VAT1L: variants seen among roughly 807,000 people sequenced by gnomAD.
VAT1L encodes vesicle amine transport 1 like.
VAT1L carries 34 observed loss-of-function variants against 44.1 expected under a neutral mutation model. That is an observed-to-expected ratio of 0.77 (90% confidence interval 0.59 to 1.03). The LOEUF (loss-of-function observed/expected upper bound fraction) is 1.03. VAT1L is among the 50% of genes least tolerant of loss of function. The pLI is 0.00. For synonymous variants in VAT1L, 253 were observed against 202.2 expected (o/e 1.25, Z -2.13); for missense variants, 615 against 538.8 (o/e 1.14, Z -1.40).
At chr16:77,887,105 T>C (rs1302471496) in intron 7 of VAT1L, among the ~76,000 whole-genome samples, 1 of 152,054 alleles carries the variant, frequency 6.6e-6, no homozygotes, top group Non-Finnish European at 1.5e-5. Context: ...AGCTGGAACA[T>C]GAAAGAGGCA....
chr16:77,971,547 C>T (rs530906593), intron 7 of VAT1L, among the ~76,000 whole-genome samples: 2 of 152,284 alleles, frequency 1.3e-5, no homozygotes, highest in Admixed American at 1.3e-4. Context: ...CACCCTGCAG[C>T]ACATAATTCT....
At chr16:77,898,636 A>G (rs1597088962) in intron 7 of VAT1L, among the ~76,000 whole-genome samples, 2 of 117,164 alleles carry the variant, frequency 1.7e-5, no homozygotes, top group African/African-American at 6.6e-5. Flanking sequence ...ATGCCCTGGC[A>G]CCCAGTACGA....
At chr16:77,864,724 G>A (rs1485006243) in intron 4 of VAT1L, among the ~76,000 whole-genome samples, 2 of 152,292 alleles carry the variant, frequency 1.3e-5, no homozygotes, top group African/African-American at 4.8e-5. Flanking sequence ...TGAAACTTGG[G>A]AAGTTTCTTG....
At chr16:77,908,370 G>A (rs2017461466) in intron 7 of VAT1L, among the ~76,000 whole-genome samples, 1 of 146,248 alleles carries the variant, frequency 6.8e-6, no homozygotes, top group Non-Finnish European at 1.5e-5. Context: ...GCTGAGGCAG[G>A]AGAATCTTGC....
intron 2 of VAT1L, among the ~76,000 whole-genome samples, chr16:77,821,853 A>G (rs915895887): frequency 3.9e-5 from 6 of 152,196 alleles, no homozygotes; most frequent in African/African-American, 1.4e-4. Flanking sequence ...CGTCAGGGAA[A>G]GTTTTGGAGA....
chr16:77,818,579 A>C (rs2016395589), intron 2 of VAT1L, among the ~76,000 whole-genome samples: 1 of 152,202 alleles, frequency 6.6e-6, no homozygotes, highest in Non-Finnish European at 1.5e-5. Context: ...TGAATAAATA[A>C]CCAGTTATTT....
chr16:77,883,382 T>C (rs911586356), intron 6 of VAT1L, among the ~76,000 whole-genome samples: 4 of 152,182 alleles, frequency 2.6e-5, no homozygotes, highest in African/African-American at 4.8e-5. Flanking sequence ...CTTATTTTGA[T>C]ATGAAGGGAG....
intron 1 of VAT1L, among the ~76,000 whole-genome samples, chr16:77,804,022 T>C (rs1321248958): frequency 6.6e-6 from 1 of 152,176 alleles, no homozygotes. Context: ...CTTATGGAAC[T>C]GTCATGCCGT....
At chr16:77,891,211 G>A (rs182200157) in intron 7 of VAT1L, among the ~76,000 whole-genome samples, 8 of 152,010 alleles carry the variant, frequency 5.3e-5, no homozygotes, top group East Asian at 1.9e-4. Context: ...AACATTAGCC[G>A]GGCGTGATGG....
At chr16:77,910,546 T>C (rs2017488681) in intron 7 of VAT1L, among the ~76,000 whole-genome samples, 2 of 151,686 alleles carry the variant, frequency 1.3e-5, no homozygotes, top group South Asian at 4.2e-4. Context: ...TGGTGGCGGC[T>C]GCCTGCAGTC....
rs772599362 is a variant in VAT1L at position 77,825,388 on chromosome 16, A to G, written c.506A>G (p.Tyr169Cys). ...TTCCCCATGAACTTCGTCACAGCCT[A>G]TGTGATGCTGTTTGAAGTTGCCAAC... ...AAFPMNFVTA[Y>C]VMLFEVANLR... The change falls in exon 3 of 9, where the codon TAT (tyrosine) becomes TGT (cysteine). Residue 169 changes from tyrosine to cysteine, a missense_variant. By Grantham distance (194) the Tyr-to-Cys change is radical. Coordinates refer to ENST00000302536, the MANE Select transcript of VAT1L (RefSeq NM_020927.3). The G allele has an allele frequency of 1.2e-6, 2 of 1,613,726 alleles. No homozygotes were observed. The highest frequency in any genetic ancestry group is 2.7e-5 in the African/African-American group (2 of 75,044).
At chr16:77,880,704 C>G (rs900861677) in intron 6 of VAT1L, among the ~76,000 whole-genome samples, 1 of 145,866 alleles carries the variant, frequency 6.9e-6, no homozygotes, top group Admixed American at 7.2e-5. Flanking sequence ...ACAAATGATC[C>G]TCTCATTCAC....
Position 77,926,040 on chromosome 16 carries a change from G to A in VAT1L, c.1077+41238G>A, listed in dbSNP as rs12445382. Among the ~76,000 whole-genome samples the A allele has an allele frequency of 3.3e-3, 493 of 148,418 alleles. 15 individuals carry two copies. Among genetic ancestry groups the A allele is most frequent in the Admixed American group, 0.027 (395 of 14,626 alleles). On this transcript the variant is annotated intron_variant, in intron 7 of 8. Coordinates refer to ENST00000302536, the MANE Select transcript of VAT1L (RefSeq NM_020927.3). ...CACTTTGGGAGGCCGAGGCGGGTGG[G>A]TCACGAGGTCAGGAGATCGAGACCA...
chr16:77,959,246 C>T (rs1394373664), intron 7 of VAT1L, among the ~76,000 whole-genome samples: 1 of 152,162 alleles, frequency 6.6e-6, no homozygotes, highest in African/African-American at 2.4e-5. Context: ...TTCATGGTTC[C>T]TGACATTCTA....
At chr16:77,861,989 C>A (rs1001079657) in intron 3 of VAT1L, among the ~76,000 whole-genome samples, 1 of 152,208 alleles carries the variant, frequency 6.6e-6, no homozygotes, top group Non-Finnish European at 1.5e-5. Context: ...AGGTAAAATA[C>A]CTACATCCAA....
chr16:77,798,264 A>C (rs112362211), intron 1 of VAT1L, among the ~76,000 whole-genome samples: 7 of 152,360 alleles, frequency 4.6e-5, no homozygotes, highest in African/African-American at 1.7e-4. Context: ...GGCACTAGCC[A>C]TACACCCAAG....
At position 77,884,517 on chromosome 16, in the gene VAT1L, C is replaced by G; in HGVS notation, c.883-91C>G. On this transcript the variant is annotated intron_variant, in intron 6 of 8. Coordinates refer to ENST00000302536, the MANE Select transcript of VAT1L (RefSeq NM_020927.3). The surrounding 1 kb of genome is among the most constrained non-coding windows in gnomAD (Gnocchi z 4.5). ...TGCTGAGCTGCAGCCCCACGTTCCC[C>G]CTGTAGTAGCTGATGACATCAGCAA... 7.5e-7 allele frequency: 1 copy of G among 1,341,694 alleles called. No individual in the cohort carries two copies. Among genetic ancestry groups the G allele is most frequent in the Non-Finnish European group, 1.0e-6 (1 of 983,676 alleles). The allele number at this position is 1,341,694 out of a possible 1,614,324, so 83.1% of individuals were successfully genotyped here. A position where few individuals can be genotyped will look rare whatever the true frequency, so the allele number is the denominator to read the frequency against.
chr16:77,907,699 C>T (rs2017453010), intron 7 of VAT1L, among the ~76,000 whole-genome samples: 1 of 151,820 alleles, frequency 6.6e-6, no homozygotes, highest in Non-Finnish European at 1.5e-5. Flanking sequence ...GTTTTATATC[C>T]CCAACAGTTA....
intron 7 of VAT1L, among the ~76,000 whole-genome samples, chr16:77,905,251 T>G (rs1200647721): frequency 1.3e-5 from 2 of 152,140 alleles, no homozygotes; most frequent in Non-Finnish European, 2.9e-5. Context: ...AATGAAAACA[T>G]TACGTTTGTT....
Sources: gnomAD v4.1 joint callset for allele counts (sites outside exome capture counted in the v4.1 genomes callset) on GRCh38, gnomAD v4.1.1 for gene constraint, Gnocchi (gnomAD v3.1) non-coding constraint, MANE v1.5 for transcripts, NCBI Gene and HGNC (gene_info 2026-07-23, HGNC 2026-07-21) for gene names.